The following ABHD2 variants were observed in gnomAD, a reference collection of about 807,000 sequenced individuals.
ABHD2 encodes monoacylglycerol lipase ABHD2.
A neutral mutation model predicts 48.1 loss-of-function variants in ABHD2; 20 were observed. The ratio of observed to expected loss-of-function variants is 0.42; its 90% confidence interval spans 0.29 to 0.60. ABHD2 has a LOEUF of 0.60. ABHD2 is among the 20% of genes least tolerant of loss of function. The pLI is 0.24. For synonymous variants in ABHD2, 209 were observed against 214.2 expected, an observed-to-expected ratio of 0.98 and a Z score of 0.21; for missense variants, 405 against 550.9, an observed-to-expected ratio of 0.74 and a Z score of 2.65.
At chr15:89,053,577 G>A in the ABHD2 span, among the ~76,000 whole-genome samples, 2 of 152,134 alleles carry the variant, frequency 1.3e-5, no homozygotes, top group Admixed American at 1.3e-4. Context: ...GGATTTGAAG[G>A]GAGTGTAAGG....
intron 3 of ABHD2, among the ~76,000 whole-genome samples, chr15:89,148,037 T>C (rs944776760): frequency 4.8e-5 from 7 of 147,048 alleles, no homozygotes; most frequent in African/African-American, 1.8e-4. Context: ...GAGAATCTGT[T>C]GGACCCGGGA....
the ABHD2 span, among the ~76,000 whole-genome samples, chr15:89,079,397 CAGA>C: frequency 6.6e-6 from 1 of 152,172 alleles, no homozygotes; most frequent in Non-Finnish European, 1.5e-5. This position sits in a 1 kb window ranked among gnomAD's most constrained non-coding sequence, Gnocchi z 4.3. Flanking sequence ...TTCTTTCTCC[CAGA>C]AGAACTATGG....
chr15:89,171,344 G>A (rs750659848), intron 5 of ABHD2, among the ~76,000 whole-genome samples: 7 of 152,130 alleles, frequency 4.6e-5, no homozygotes, highest in Non-Finnish European at 1.0e-4. Flanking sequence ...GTCCAAGAAT[G>A]TGCATTTGAA....
rs1334688598 is a variant in ABHD2 at position 89,151,954 on chromosome 15, A to G, written c.370+102A>G. 2.1e-6 allele frequency: 3 copies of G among 1,433,592 alleles called. No homozygotes were observed. Among genetic ancestry groups the G allele is most frequent in the African/African-American group, 1.4e-5 (1 of 70,798 alleles). The allele number at this position is 1,433,592 out of a possible 1,614,324, so 88.8% of individuals were successfully genotyped here. A position where few individuals can be genotyped will look rare whatever the true frequency, so the allele number is the denominator to read the frequency against. On this transcript the variant is annotated intron_variant, in intron 4 of 10. Coordinates refer to ENST00000352732, the MANE Select transcript of ABHD2 (RefSeq NM_152924.5). The surrounding 1 kb of genome is among the most constrained non-coding windows in gnomAD (Gnocchi z 4.7). Reference sequence around the variant, plus strand: ...AATACTTGTGCCACTGACTCTGCCCATGGCATCAGGGGCTGTTGGGAAGCC... The same window carrying G: ...AATACTTGTGCCACTGACTCTGCCCGTGGCATCAGGGGCTGTTGGGAAGCC...
intron 1 of ABHD2, among the ~76,000 whole-genome samples, chr15:89,101,860 G>A (rs1408913685): frequency 1.3e-5 from 2 of 152,180 alleles, no homozygotes; most frequent in Non-Finnish European, 2.9e-5. Context: ...AATGGTGAAC[G>A]TCAGTGCTTG....
In ABHD2 at chr15:89,185,092, C is replaced by G. The variant is rs2051183320; in HGVS notation, c.723-332C>G. Among the ~76,000 whole-genome samples, 10 of 152,210 alleles carry G rather than the reference C, an allele frequency of 6.6e-5. No homozygotes were observed. The highest frequency in any genetic ancestry group is 6.5e-4 in the Admixed American group (10 of 15,284). ...CCAAATACAGAAAGTGTTCACATGACAATTGAAGCAGACTTTGGTCCTGGC... is the reference window on the plus strand; with the variant it reads ...CCAAATACAGAAAGTGTTCACATGAGAATTGAAGCAGACTTTGGTCCTGGC... On this transcript the variant is annotated intron_variant, in intron 6 of 10. Transcript: ENST00000352732. This position sits in a 1 kb window ranked among gnomAD's most constrained non-coding sequence, Gnocchi z 5.9.
At position 89,183,384 on chromosome 15, in the gene ABHD2, AAT is replaced by A. The variant is rs1555433648; in HGVS notation, c.723-2009_723-2008del. ...AGTCCTTTTCAAAAAAAAAAAAAAA[AAT>A]ATATATATATATATATATATATATA... is the stretch of plus-strand genomic sequence containing the variant. On this transcript the variant is annotated intron_variant, in intron 6 of 10. Coordinates refer to ENST00000352732, the MANE Select transcript of ABHD2 (RefSeq NM_152924.5). The A allele has an allele frequency of 8.9e-3, 412 of 46,236 alleles. 1 individual carries two copies. Among genetic ancestry groups the A allele is most frequent in the East Asian group, 0.03 (39 of 1,280 alleles). The allele number at this position is 46,236 out of a possible 1,614,324, so 2.9% of individuals were successfully genotyped here. A position where few individuals can be genotyped will look rare whatever the true frequency, so the allele number is the denominator to read the frequency against.
At chr15:89,162,014 T>G (rs1391203150) in intron 5 of ABHD2, among the ~76,000 whole-genome samples, 1 of 152,192 alleles carries the variant, frequency 6.6e-6, no homozygotes, top group Non-Finnish European at 1.5e-5. Context: ...TATCTCTCTG[T>G]GTCCTAATCT....
rs2051218826 is a variant in ABHD2, at chr15:89,186,853, C to T, written c.815+1337C>T. 6.6e-6 allele frequency among the ~76,000 whole-genome samples: 1 copy of T among 152,228 alleles called. No individual in the cohort carries two copies. The highest frequency in any genetic ancestry group is 1.5e-5 in the Non-Finnish European group (1 of 68,038). Reference sequence around the variant, plus strand: ...CCAGATTGGGCTTCCTACGGGTGGGCGTTCACATGGCACCTAAGCAAGGCT... The same window carrying T: ...CCAGATTGGGCTTCCTACGGGTGGGTGTTCACATGGCACCTAAGCAAGGCT... On this transcript the variant is annotated intron_variant, in intron 7 of 10. Coordinates refer to ENST00000352732, the MANE Select transcript of ABHD2 (RefSeq NM_152924.5). This position sits in a 1 kb window ranked among gnomAD's most constrained non-coding sequence, Gnocchi z 4.3.
the ABHD2 span, among the ~76,000 whole-genome samples, chr15:89,052,544 CAG>C: frequency 0.034 from 4,900 of 143,754 alleles, 154 homozygotes; most frequent in African/African-American, 0.077. Context: ...GACAGACAGA[CAG>C]ACAGACAGAC....
chr15:89,119,296 C>T (rs1478858176), intron 3 of ABHD2, among the ~76,000 whole-genome samples: 2 of 152,192 alleles, frequency 1.3e-5, no homozygotes, highest in Non-Finnish European at 2.9e-5. Flanking sequence ...AGCAATCTGA[C>T]TTGAACATGA....
the ABHD2 span, among the ~76,000 whole-genome samples, chr15:89,072,622 T>G: frequency 2.7e-5 from 4 of 150,746 alleles, no homozygotes; most frequent in African/African-American, 7.3e-5. Context: ...AAAGTTAAGT[T>G]TGGGGTTTAT....
rs959447821 is a variant in ABHD2, at chr15:89,137,787, A to G, written c.195-13890A>G. The stretch of plus-strand genomic sequence containing the variant: ...CTATTAATGGGTGTTTGGGAAGCTG[A>G]ATATGTTGCTGCCATTTTGAGATGA... On this transcript the variant is annotated intron_variant, in intron 3 of 10. Coordinates refer to ENST00000352732, the MANE Select transcript of ABHD2 (RefSeq NM_152924.5). This position sits in a 1 kb window ranked among gnomAD's most constrained non-coding sequence, Gnocchi z 4.8. Among the ~76,000 whole-genome samples, 1 of 152,192 alleles carries G rather than the reference A, an allele frequency of 6.6e-6. No individual in the cohort carries two copies. Among genetic ancestry groups the G allele is most frequent in the African/African-American group, 2.4e-5 (1 of 41,442 alleles).
intron 9 of ABHD2, among the ~76,000 whole-genome samples, chr15:89,191,885 C>T (rs2051312088): frequency 6.6e-6 from 1 of 151,952 alleles, no homozygotes; most frequent in African/African-American, 2.4e-5. Flanking sequence ...CCTCAGCCTC[C>T]CAAAATGCTG....
intron 5 of ABHD2, among the ~76,000 whole-genome samples, chr15:89,160,654 T>C (rs550158246): frequency 1.3e-5 from 2 of 152,348 alleles, no homozygotes; most frequent in South Asian, 2.1e-4. Context: ...CCATCCATTA[T>C]GGCTTAGCTG....
intron 3 of ABHD2, among the ~76,000 whole-genome samples, chr15:89,140,778 G>A (rs1430174218): frequency 2.0e-5 from 3 of 152,290 alleles, no homozygotes; most frequent in Admixed American, 1.3e-4. Context: ...TTAAAGATGT[G>A]TTTTTGTTTT....
Position 89,088,846 on chromosome 15 carries a change from C to T in ABHD2, c.-107+283C>T, listed in dbSNP as rs1901471673. 6.6e-6 allele frequency among the ~76,000 whole-genome samples: 1 copy of T among 152,222 alleles called. No homozygotes were observed. Among genetic ancestry groups the T allele is most frequent in the Non-Finnish European group, 1.5e-5 (1 of 68,032 alleles). On this transcript the variant is annotated intron_variant, in intron 1 of 10. Coordinates refer to ENST00000352732, the MANE Select transcript of ABHD2 (RefSeq NM_152924.5). This position sits in a 1 kb window ranked among gnomAD's most constrained non-coding sequence, Gnocchi z 6.8. ...GGGACAACCCCGACCGCGGCCTTTC[C>T]CCCATTGGTGCTCACTCCTGGGTCT...
Position 89,201,816 on chromosome 15 carries a change from C to A in ABHD2, c.*6393C>A, listed in dbSNP as rs2051468464. The A allele has an allele frequency of 2.4e-5, 31 of 1,309,808 alleles. No individual in the cohort carries two copies. In the South Asian group the frequency reaches 3.4e-4, roughly 14 times the overall value. The allele number at this position is 1,309,808 out of a possible 1,614,324, so 81.1% of individuals were successfully genotyped here. On this transcript the variant is annotated 3_prime_UTR_variant, in exon 11 of 11. Transcript: ENST00000352732. Reference sequence around the variant, plus strand: ...GGCAGACGCCATTGGAGAGACAGCGCAGAGCAGGGGGCGGCTTGCTCGCTG... The same window carrying A: ...GGCAGACGCCATTGGAGAGACAGCGAAGAGCAGGGGGCGGCTTGCTCGCTG...
Position 89,101,519 on chromosome 15 carries a change from C to T in ABHD2, c.-106-12206C>T, listed in dbSNP as rs1026309838. 4.6e-5 allele frequency among the ~76,000 whole-genome samples: 7 copies of T among 152,292 alleles called. No homozygotes were observed. In the East Asian group the frequency reaches 1.4e-3, roughly 29 times the overall value. ...ATGATAATGCTTTAGGTTAATGCCA[C>T]AGACTTAGTCAATTAGTAAATATTT... On this transcript the variant is annotated intron_variant, in intron 1 of 10. Transcript: ENST00000352732.
Sources: gnomAD v4.1 joint callset for allele counts (sites outside exome capture counted in the v4.1 genomes callset) on GRCh38, gnomAD v4.1.1 for gene constraint, Gnocchi (gnomAD v3.1) non-coding constraint, MANE v1.5 for transcripts, NCBI Gene and HGNC (gene_info 2026-07-23, HGNC 2026-07-21) for gene names.